LAMB4: variants seen among roughly 807,000 people sequenced by gnomAD.
LAMB4 encodes the protein laminin subunit beta-4.
LAMB4 carries 196 observed loss-of-function variants against 199.2 expected under a neutral mutation model. The observed-to-expected ratio is 0.98, with a 90% CI of 0.88 to 1.11. The LOEUF (loss-of-function observed/expected upper bound fraction) is 1.11. LAMB4 is among the 50% of genes least tolerant of loss of function. LAMB4 has a pLI of 0.00. For missense variants in LAMB4, 2,080 were observed against 2,171.2 expected (o/e 0.96, Z 0.83); for synonymous variants, 744 against 770.6 (o/e 0.97, Z 0.57).
rs541967344 is a variant in LAMB4 at position 108,024,480 on chromosome 7, G to T, written c.5147-302C>A. ...GATAACATCCTTGATGGGATTTGCT[G>T]AAGTGCTATATTTCCAAAGGTTTGT... On this transcript the variant is annotated intron_variant, in intron 33 of 33. Coordinates refer to ENST00000388781, the MANE Select transcript of LAMB4 (RefSeq NM_007356.3). Among the ~76,000 whole-genome samples, 4 of 152,314 alleles carry T rather than the reference G, an allele frequency of 2.6e-5. No individual in the cohort carries two copies. The South Asian group carries it at 8.3e-4, about 32-fold the overall frequency.
intron 14 of LAMB4, 27 bp downstream of exon 14, chr7:108,091,599 T>C: frequency 6.2e-7 from 1 of 1,606,512 alleles, no homozygotes; most frequent in South Asian, 1.1e-5. Flanking sequence ...AAACACAGTC[T>C]GTAGGGAAAG....
At chr7:108,047,332 T>C (rs2150518436) in intron 28 of LAMB4, among the ~76,000 whole-genome samples, 1 of 152,162 alleles carries the variant, frequency 6.6e-6, no homozygotes, top group Non-Finnish European at 1.5e-5. Flanking sequence ...ACCCCTGCCA[T>C]CTCTGAGACA....
At chr7:108,017,751 G>T in the LAMB4 span, among the ~76,000 whole-genome samples, 4 of 152,204 alleles carry the variant, frequency 2.6e-5, no homozygotes. Flanking sequence ...GACCATAGGA[G>T]CAATGGTTCA....
At position 108,079,658 on chromosome 7, in the gene LAMB4, A is replaced by T. The variant is rs753838955; in HGVS notation, c.1830T>A (p.Ala610=). The stretch of plus-strand genomic sequence containing the variant: ...CCACAGGAAAGGGAATGTTGTTGAC[A>T]GCAAATCTCAAGCCAGCCCCAGGGA... ...RVLPGAGLRF[A]VNNIPFPVDF... Residue 610 remains alanine (A), a synonymous_variant, in exon 15 of 34, where the codon GCT becomes GCA. Coordinates refer to ENST00000388781, the MANE Select transcript of LAMB4 (RefSeq NM_007356.3). 6.2e-7 allele frequency: 1 copy of T among 1,613,208 alleles called. No individual in the cohort carries two copies.
intron 25 of LAMB4, among the ~76,000 whole-genome samples, chr7:108,053,216 T>C (rs904589661): frequency 1.3e-5 from 2 of 152,234 alleles, no homozygotes; most frequent in Non-Finnish European, 1.5e-5. Flanking sequence ...AGACTTTCTC[T>C]CTTTTGATGA....
rs145141539 is a variant in LAMB4 at position 108,047,928 on chromosome 7, C to A, written c.4306G>T (p.Val1436Phe). The change falls in exon 28 of 34, where the codon GTT (valine) becomes TTT (phenylalanine). Residue 1436 changes from valine to phenylalanine, a missense_variant. Val to Phe is a conservative substitution (Grantham distance 50). Coordinates refer to ENST00000388781, the MANE Select transcript of LAMB4 (RefSeq NM_007356.3). The part of the protein sequence containing the change: ...KSIIRNLDKQ[V>F]RGLKNQIESI... Reference sequence around the variant, plus strand: ...TTTACCTGATTTTTCAACCCACGAACCTGTTTGTCCAAATTACGAATAATG... The same window carrying A: ...TTTACCTGATTTTTCAACCCACGAAACTGTTTGTCCAAATTACGAATAATG... The A allele has an allele frequency of 5.8e-5, 93 of 1,613,910 alleles. No individual in the cohort carries two copies. The highest frequency in any genetic ancestry group is 9.3e-5 in the African/African-American group (7 of 74,904).
At chr7:108,103,320 T>C in intron 9 of LAMB4, 88 bp from the exon 10 acceptor site, 2 of 1,003,992 alleles carry the variant, frequency 2.0e-6, no homozygotes, top group Non-Finnish European at 2.8e-6. Flanking sequence ...CACCCGCTAG[T>C]CCTCCTTGTC....
the LAMB4 span, among the ~76,000 whole-genome samples, chr7:108,013,293 C>T: frequency 1.3e-5 from 2 of 152,140 alleles, no homozygotes; most frequent in Non-Finnish European, 2.9e-5. Context: ...GGGACTATGC[C>T]TCTTGTGCTT....
chr7:108,040,350 G>A (rs978530016), intron 29 of LAMB4, among the ~76,000 whole-genome samples: 2 of 152,140 alleles, frequency 1.3e-5, no homozygotes, highest in African/African-American at 2.4e-5. Context: ...ACAATGTGCA[G>A]ATTCAAGGTT....
intron 18 of LAMB4, among the ~76,000 whole-genome samples, chr7:108,069,442 C>CA (rs796251013): frequency 1.1e-4 from 17 of 152,314 alleles, no homozygotes; most frequent in African/African-American, 4.1e-4. Context: ...GAGTTCCTTC[C>CA]AGCCCTAGAA....
chr7:108,121,449 G>GA (rs1177675298), intron 2 of LAMB4, among the ~76,000 whole-genome samples: 2 of 152,066 alleles, frequency 1.3e-5, no homozygotes, highest in African/African-American at 2.4e-5. Flanking sequence ...TAATGGGTGA[G>GA]AAAAAATACC....
At position 108,052,017 on chromosome 7, in the gene LAMB4, G is replaced by A. The variant is rs931739420; in HGVS notation, c.3916+80C>T. 4.3e-6 allele frequency: 5 copies of A among 1,156,818 alleles called. No individual in the cohort carries two copies. The African/African-American group carries it at 4.6e-5, about 11-fold the overall frequency. The allele number at this position is 1,156,818 out of a possible 1,614,324, so 71.7% of individuals were successfully genotyped here. A position where few individuals can be genotyped will look rare whatever the true frequency, so the allele number is the denominator to read the frequency against. ...GCTCAGGCACTATGGTGGTAAGCAG[G>A]GGACGACTCACTAATGGAATGCACT... On this transcript the variant is annotated intron_variant, in intron 26 of 33. Coordinates refer to ENST00000388781, the MANE Select transcript of LAMB4 (RefSeq NM_007356.3).
chr7:108,043,146 T>C (rs1417809664), intron 29 of LAMB4, among the ~76,000 whole-genome samples: 1 of 152,080 alleles, frequency 6.6e-6, no homozygotes, highest in Non-Finnish European at 1.5e-5. Context: ...AAAGAAGACT[T>C]GGAAAATAGT....
chr7:108,081,082 ACTGCACTC>A (rs2036918416), intron 14 of LAMB4, among the ~76,000 whole-genome samples: 1 of 152,198 alleles, frequency 6.6e-6, no homozygotes, highest in Non-Finnish European at 1.5e-5. Context: ...AGATCGCGCC[ACTGCACTC>A]CAGCCTGGGC....
rs1157038582 is a variant in LAMB4, at chr7:108,055,763, C to A, written c.3624G>T (p.Glu1208Asp). 7 of 1,614,100 alleles carry A rather than the reference C, an allele frequency of 4.3e-6. No homozygotes were observed. The highest frequency in any genetic ancestry group is 1.1e-5 in the South Asian group (1 of 91,082). ...AGTCTGCCTCACAGACAGGCAGGGT[C>A]TCTCTTTTATCTTCCATGTTAGCAG... ...RLAANMEDKR[E>D]TLPVCEADFK... Residue 1208 changes from glutamate (E) to aspartate (D), a missense_variant, in exon 25 of 34, where the codon GAG becomes GAT. By Grantham distance (45) the Glu-to-Asp change is conservative. Transcript: ENST00000388781.
chr7:108,089,995 G>T (rs1475682405), intron 14 of LAMB4, among the ~76,000 whole-genome samples: 1 of 151,980 alleles, frequency 6.6e-6, no homozygotes, highest in Non-Finnish European at 1.5e-5. Context: ...GATGCACCTG[G>T]GTTTCAATCC....
chr7:108,021,560 T>C (rs1469667019), downstream of LAMB4, among the ~76,000 whole-genome samples: 1 of 151,970 alleles, frequency 6.6e-6, no homozygotes, highest in Non-Finnish European at 1.5e-5. Flanking sequence ...AAATACAAAA[T>C]TAGCCGGGCG....
Position 108,109,164 on chromosome 7 carries a change from T to A in LAMB4, c.402+7A>T, listed in dbSNP as rs2038129964. On this transcript the variant is annotated splice_region_variant and intron_variant, in intron 5 of 33. Transcript: ENST00000388781. ...AAAAGAGGGGCAGCAGGCCTATTAGTCTGTACCTTAAAGGTCAGGATAAGG... is the reference window on the plus strand; with the variant it reads ...AAAAGAGGGGCAGCAGGCCTATTAGACTGTACCTTAAAGGTCAGGATAAGG... The A allele has an allele frequency of 1.9e-6, 3 of 1,597,790 alleles. No individual in the cohort carries two copies. Among genetic ancestry groups the A allele is most frequent in the Non-Finnish European group, 2.6e-6 (3 of 1,165,330 alleles).
intron 1 of LAMB4, among the ~76,000 whole-genome samples, chr7:108,129,998 AAC>A (rs1049553410): frequency 3.3e-5 from 5 of 152,346 alleles, no homozygotes; most frequent in Admixed American, 1.3e-4. Flanking sequence ...ATTTGCTGAA[AAC>A]ACAATACAGT....
Sources: allele counts gnomAD v4.1 joint callset (sites outside exome capture counted in the v4.1 genomes callset), GRCh38; gene constraint gnomAD v4.1.1; transcripts MANE v1.5; gene names NCBI Gene and HGNC (gene_info 2026-07-23, HGNC 2026-07-21).